MITD1: variants seen among roughly 807,000 people sequenced by gnomAD.
MITD1 encodes microtubule interacting and trafficking domain containing 1.
In MITD1, 24 loss-of-function variants were observed where a neutral mutation model predicts 34.9. That is an observed-to-expected ratio of 0.69 (90% CI 0.50 to 0.97). MITD1 has a LOEUF of 0.97. Among genes scored for constraint, MITD1 ranks in the 50% least tolerant of loss-of-function variants. The pLI, the probability that MITD1 is intolerant of heterozygous loss-of-function variation, is 0.00. For missense variants in MITD1, 266 were observed against 294.6 expected (o/e 0.90, Z 0.71); for synonymous variants, 102 against 101.4 (o/e 1.01, Z -0.04).
intron 1 of MITD1, among the ~76,000 whole-genome samples, chr2:99,176,730 G>T (rs1272984656): frequency 5.3e-5 from 8 of 152,100 alleles, no homozygotes; most frequent in Non-Finnish European, 1.2e-4. Context: ...TAGTGTTAGT[G>T]TATTTTACAT....
At chr2:99,180,807 T>C (rs2093914435) in intron 1 of MITD1, 24 bp downstream of exon 1, 2 of 1,605,730 alleles carry the variant, frequency 1.2e-6, no homozygotes, top group Non-Finnish European at 1.7e-6. Context: ...CCTCAGGTCC[T>C]CCCCGCCTTG....
chr2:99,173,687 G>A (rs558034885), intron 2 of MITD1: 2 of 559,550 alleles, frequency 3.6e-6, no homozygotes, highest in African/African-American at 1.9e-5. Flanking sequence ...GTTCAAAGGG[G>A]TGTCTGATAT....
chr2:99,168,978 T>TTTG (rs70940146), downstream of MITD1, among the ~76,000 whole-genome samples: 491 of 103,056 alleles, frequency 4.8e-3, 60 homozygotes, highest in Non-Finnish European at 5.6e-3. Flanking sequence ...TTTTTTTTTT[T>TTTG]CTGATACAGG....
chr2:99,177,034 T>C (rs1327814814), intron 1 of MITD1, among the ~76,000 whole-genome samples: 1 of 152,218 alleles, frequency 6.6e-6, no homozygotes, highest in Admixed American at 6.5e-5. Flanking sequence ...TATTTGTTTC[T>C]GTCCATCTAT....
rs370412327 is a variant in MITD1, at chr2:99,178,636, A to G, written c.151+2195T>C. Among the ~76,000 whole-genome samples, 42 of 152,296 alleles carry G rather than the reference A, an allele frequency of 2.8e-4. No homozygotes were observed. In the East Asian group the frequency reaches 5.4e-3, roughly 20 times the overall value. ...ACTGGAGGTCTGGGAAAGCCTCACAAAGAAGGTGGTATTTGTGTAAAGGCC... is the reference window on the plus strand; with the variant it reads ...ACTGGAGGTCTGGGAAAGCCTCACAGAGAAGGTGGTATTTGTGTAAAGGCC... On this transcript the variant is annotated intron_variant, in intron 1 of 6. Transcript: ENST00000289359.
At chr2:99,168,581 C>G (rs2093837444), downstream of MITD1, among the ~76,000 whole-genome samples, 1 of 152,228 alleles carries the variant, frequency 6.6e-6, no homozygotes, top group South Asian at 2.1e-4. Flanking sequence ...TGATTCTAAG[C>G]TGCAAGGCTT....
chr2:99,173,911 T>C lies in MITD1; in HGVS notation c.253+4A>G, dbSNP rs1438871520. 5.7e-6 allele frequency: 9 copies of C among 1,579,314 alleles called. No homozygotes were observed. The highest frequency in any genetic ancestry group is 7.8e-6 in the Non-Finnish European group (9 of 1,149,434). On this transcript the variant is annotated splice_donor_region_variant and intron_variant, in intron 2 of 6. Coordinates refer to ENST00000289359, the MANE Select transcript of MITD1 (RefSeq NM_138798.3). Reference sequence around the variant, plus strand: ...GGATGCATTTTCTAAAACAACCTCTTTACCTTCTTTTTCTTGGTCCAAGTA... The same window carrying C: ...GGATGCATTTTCTAAAACAACCTCTCTACCTTCTTTTTCTTGGTCCAAGTA...
chr2:99,172,986 C>T (rs563007730), intron 2 of MITD1: 38 of 151,918 alleles, frequency 2.5e-4, no homozygotes, highest in African/African-American at 8.9e-4. Context: ...ACATAGATAA[C>T]ATTGGCAACT....
At chr2:99,162,611 G>A (rs773121905) in intron 7 of MITD1, 1 of 1,614,104 alleles carries the variant, frequency 6.2e-7, no homozygotes, top group Non-Finnish European at 8.5e-7. Context: ...TTTTGGAAAA[G>A]GATCCCACTC....
At chr2:99,176,034 A>AG (rs1253566710) in intron 1 of MITD1, among the ~76,000 whole-genome samples, 1 of 152,072 alleles carries the variant, frequency 6.6e-6, no homozygotes, top group South Asian at 2.1e-4. Flanking sequence ...TCTGCCTCCC[A>AG]GGCACAAGGA....
At chr2:99,180,447 G>GA (rs530878860) in intron 1 of MITD1, among the ~76,000 whole-genome samples, 194 of 151,690 alleles carry the variant, frequency 1.3e-3, no homozygotes, top group African/African-American at 4.5e-3. Flanking sequence ...GAAAGTTTTG[G>GA]AAAAAAAATC....
chr2:99,172,948 T>C (rs180778132), intron 2 of MITD1: 1 of 151,868 alleles, frequency 6.6e-6, no homozygotes, highest in East Asian at 1.9e-4. Context: ...TAAAAATCAG[T>C]AGTTTGGATT....
At chr2:99,162,132 G>A (rs1193571732) in exon 8 of MITD1, 1 of 1,614,038 alleles carries the variant, frequency 6.2e-7, no homozygotes. Flanking sequence ...GAATCTAGAA[G>A]GCAAACCAAT....
Position 99,180,897 on chromosome 2 carries a change from A to C in MITD1, c.85T>G (p.Ser29Ala), listed in dbSNP as rs764253718. The C allele has an allele frequency of 1.2e-6, 2 of 1,613,968 alleles. No individual in the cohort carries two copies. Among genetic ancestry groups the C allele is most frequent in the Non-Finnish European group, 1.7e-6 (2 of 1,180,014 alleles). Residue 29 changes from serine (S) to alanine (A), a missense_variant, in exon 1 of 7, where the codon TCG becomes GCG. Coordinates refer to ENST00000289359, the MANE Select transcript of MITD1 (RefSeq NM_138798.3). ...CACACCAGAGCCTGCGGATACCGCG[A>C]CTCCGAATCTAGTTCTACTGCCCGC... ...LKRAVELDSE[S>A]RYPQALVCYQ... is the part of the protein sequence containing the mutation.
At chr2:99,166,697 A>G (rs1269609033), downstream of MITD1, among the ~76,000 whole-genome samples, 1 of 151,498 alleles carries the variant, frequency 6.6e-6, no homozygotes, top group African/African-American at 2.4e-5. Context: ...ATCCTTATAT[A>G]TTAGGAATAC....
downstream of MITD1, among the ~76,000 whole-genome samples, chr2:99,168,531 A>G (rs2093837263): frequency 6.6e-6 from 1 of 152,192 alleles, no homozygotes; most frequent in Non-Finnish European, 1.5e-5. Flanking sequence ...GTCTCCAACC[A>G]CACAACTGGC....
chr2:99,178,340 G>C (rs1206569886), intron 1 of MITD1: 2 of 152,118 alleles, frequency 1.3e-5, no homozygotes, highest in Admixed American at 1.3e-4. Flanking sequence ...CTTAACTTCA[G>C]TCTCTACAGG....
chr2:99,161,921 CGAT>C, downstream of MITD1: 1 of 1,495,944 alleles, frequency 6.7e-7, no homozygotes, highest in Non-Finnish European at 9.0e-7. Flanking sequence ...TTCCTTTTCT[CGAT>C]GAATTAATTT....
intron 4 of MITD1, 153 bp from the exon 5 acceptor site, chr2:99,170,805 G>A (rs1455371061): frequency 6.9e-6 from 3 of 437,608 alleles, no homozygotes; most frequent in East Asian, 3.2e-5. Flanking sequence ...ACCAATGTGA[G>A]GTAGTTTAAA....
Sources: gnomAD v4.1 joint callset for allele counts (sites outside exome capture counted in the v4.1 genomes callset) on GRCh38, gnomAD v4.1.1 for gene constraint, MANE v1.5 for transcripts, NCBI Gene and HGNC (gene_info 2026-07-23, HGNC 2026-07-21) for gene names.